NRG1: variants seen among roughly 807,000 people sequenced by gnomAD.
NRG1 encodes the protein neuregulin 1.
NRG1 carries 18 observed loss-of-function variants against 63.8 expected under a neutral mutation model. The observed-to-expected ratio is 0.28, with a 90% CI of 0.19 to 0.42. The LOEUF is 0.42. Among genes scored for constraint, NRG1 ranks in the 10% least tolerant of loss-of-function variants. NRG1 has a pLI of 1.00. For missense variants in NRG1, 762 were observed against 814.7 expected, an observed-to-expected ratio of 0.94 and a Z score of 0.79; for synonymous variants, 302 against 301.3, an observed-to-expected ratio of 1.00 and a Z score of -0.02.
chr8:32,344,324 CTCTTTCTTTCTT>C (rs765116407), intron 1 of NRG1, among the ~76,000 whole-genome samples: 854 of 64,116 alleles, frequency 0.013, 11 homozygotes, highest in South Asian at 0.027. Flanking sequence ...TTCCTTCTTT[CTCTTTCTTTCTT>C]TCTTTCTTTC....
intron 1 of NRG1, among the ~76,000 whole-genome samples, chr8:32,085,457 A>C (rs999590596): frequency 2.0e-5 from 3 of 152,222 alleles, no homozygotes; most frequent in Non-Finnish European, 4.4e-5. Flanking sequence ...CAATGCTAGA[A>C]ATTTAGGAGC....
intron 1 of NRG1, among the ~76,000 whole-genome samples, chr8:32,265,138 G>A (rs1850782742): frequency 6.6e-6 from 1 of 152,086 alleles, no homozygotes. Flanking sequence ...AGGAGTTTAA[G>A]ACAACCTGGC....
At chr8:32,447,200 T>C (rs941619276) in intron 1 of NRG1, among the ~76,000 whole-genome samples, 1 of 151,776 alleles carries the variant, frequency 6.6e-6, no homozygotes, top group Non-Finnish European at 1.5e-5. Context: ...TTTTTTTGTA[T>C]TTTTAGTAGA....
intron 1 of NRG1, among the ~76,000 whole-genome samples, chr8:31,888,273 C>A (rs529589728): frequency 6.6e-6 from 1 of 152,158 alleles, no homozygotes; most frequent in Non-Finnish European, 1.5e-5. Flanking sequence ...AGTATGTTGA[C>A]AATACCCCAA....
At chr8:32,406,253 G>T (rs1459085121) in intron 1 of NRG1, among the ~76,000 whole-genome samples, 1 of 152,136 alleles carries the variant, frequency 6.6e-6, no homozygotes, top group African/African-American at 2.4e-5. Flanking sequence ...CATCTTGCAT[G>T]GTCAGGGGCA....
chr8:32,314,215 G>A (rs1052803130), intron 1 of NRG1, among the ~76,000 whole-genome samples: 2 of 152,110 alleles, frequency 1.3e-5, no homozygotes, highest in African/African-American at 4.8e-5. Flanking sequence ...CTTCTTCGGG[G>A]CAGAGTGGCA....
intron 1 of NRG1, among the ~76,000 whole-genome samples, chr8:31,695,922 T>C (rs1358159981): frequency 6.6e-6 from 1 of 152,202 alleles, no homozygotes; most frequent in African/African-American, 2.4e-5. Flanking sequence ...CCTCAATTTA[T>C]AGTCAGCATT....
At chr8:32,654,049 A>G (rs1855739986) in intron 5 of NRG1, among the ~76,000 whole-genome samples, 1 of 152,062 alleles carries the variant, frequency 6.6e-6, no homozygotes, top group African/African-American at 2.4e-5. Flanking sequence ...TATGCTGAAC[A>G]TTTTTAGAGA....
chr8:32,354,347 A>C (rs13270839), intron 1 of NRG1, among the ~76,000 whole-genome samples: 73,294 of 151,692 alleles, frequency 0.48, 18,505 homozygotes, highest in South Asian at 0.58. Context: ...CCAGTCTGGG[A>C]GACAGAGTGA....
chr8:31,752,390 A>G (rs1353340564), intron 1 of NRG1, among the ~76,000 whole-genome samples: 1 of 151,922 alleles, frequency 6.6e-6, no homozygotes, highest in African/African-American at 2.4e-5. Flanking sequence ...TGAAGAGGGG[A>G]TATGACCTGC....
intron 1 of NRG1, among the ~76,000 whole-genome samples, chr8:31,696,800 T>A (rs1810112151): frequency 6.6e-6 from 1 of 152,218 alleles, no homozygotes. Flanking sequence ...GAGCTGTTTC[T>A]GACTTCAGCC....
intron 1 of NRG1, among the ~76,000 whole-genome samples, chr8:32,589,758 C>T (rs544842266): frequency 8.5e-5 from 13 of 152,128 alleles, no homozygotes; most frequent in Middle Eastern, 6.8e-3. Flanking sequence ...TATAGCTGCA[C>T]GAATAATATT....
At chr8:31,870,030 T>C (rs889939830) in intron 1 of NRG1, among the ~76,000 whole-genome samples, 2 of 152,090 alleles carry the variant, frequency 1.3e-5, no homozygotes, top group African/African-American at 4.8e-5. Flanking sequence ...AGTGGGAAAA[T>C]AACAAGATCC....
chr8:31,804,152 C>T (rs1352099724), intron 1 of NRG1, among the ~76,000 whole-genome samples: 3 of 152,100 alleles, frequency 2.0e-5, no homozygotes, highest in Non-Finnish European at 2.9e-5. Context: ...AACAATATCT[C>T]GAGTAACCAC....
At chr8:32,305,970 C>T (rs188737597) in intron 1 of NRG1, among the ~76,000 whole-genome samples, 1 of 152,228 alleles carries the variant, frequency 6.6e-6, no homozygotes, top group African/African-American at 2.4e-5. Context: ...TCTTTTCTTT[C>T]CATTGTAAAA....
chr8:32,075,502 A>G lies in NRG1; in HGVS notation c.37+436071A>G, dbSNP rs546862601. 3.9e-5 allele frequency among the ~76,000 whole-genome samples: 6 copies of G among 152,290 alleles called. No individual in the cohort carries two copies. The South Asian group carries it at 1.2e-3, about 32-fold the overall frequency. ...TATTCCAGAACCCCCATGGATATCAAAATTAAATGCTCAAATCCCTTACAT... is the reference window on the plus strand; with the variant it reads ...TATTCCAGAACCCCCATGGATATCAGAATTAAATGCTCAAATCCCTTACAT... On this transcript the variant is annotated intron_variant, in intron 1 of 10. Transcript: ENST00000519301.
At chr8:32,048,305 AC>A (rs1449436534) in intron 1 of NRG1, among the ~76,000 whole-genome samples, 1 of 150,540 alleles carries the variant, frequency 6.6e-6, no homozygotes, top group Non-Finnish European at 1.5e-5. Flanking sequence ...ATATATTCAT[AC>A]ATATATGTAT....
chr8:32,596,449 C>T (rs1316545454), intron 2 of NRG1, among the ~76,000 whole-genome samples: 4 of 151,846 alleles, frequency 2.6e-5, no homozygotes, highest in African/African-American at 4.8e-5. Flanking sequence ...ACTAAAAACA[C>T]AAAAAGTAGC....
intron 1 of NRG1, among the ~76,000 whole-genome samples, chr8:32,298,023 TAAATA>T (rs1452744355): frequency 2.6e-5 from 4 of 152,364 alleles, no homozygotes; most frequent in African/African-American, 9.6e-5. Context: ...GAACATCACT[TAAATA>T]AAATGTTTTA....
Sources: gnomAD v4.1 joint callset for allele counts (sites outside exome capture counted in the v4.1 genomes callset) on GRCh38, gnomAD v4.1.1 for gene constraint, MANE v1.5 for transcripts, NCBI Gene and HGNC (gene_info 2026-07-23, HGNC 2026-07-21) for gene names.